Variants in TFDP2 observed in about 807,000 individuals in gnomAD.
TFDP2 encodes the protein transcription factor Dp-2 (E2F dimerization partner 2).
TFDP2 carries 17 observed loss-of-function variants against 59.3 expected under a neutral mutation model. The ratio of observed to expected loss-of-function variants is 0.29; its 90% CI spans 0.20 to 0.43. The LOEUF (loss-of-function observed/expected upper bound fraction) is 0.43. Ranked by LOEUF, TFDP2 falls within the 20% of genes least tolerant of loss-of-function variation. The pLI is 1.00. For synonymous variants in TFDP2, 180 were observed against 194.7 expected, an observed-to-expected ratio of 0.92 and a Z score of 0.63; for missense variants, 391 against 528.8, an observed-to-expected ratio of 0.74 and a Z score of 2.56.
chr3:142,043,734 C>A (rs1174452856), intron 3 of TFDP2: 1 of 1,421,820 alleles, frequency 7.0e-7, no homozygotes, highest in African/African-American at 1.4e-5. Flanking sequence ...ACCTGGGGGC[C>A]TCAGCCTGGT....
At chr3:142,002,128 G>A (rs911738400) in intron 4 of TFDP2, among the ~76,000 whole-genome samples, 7 of 151,586 alleles carry the variant, frequency 4.6e-5, no homozygotes, top group African/African-American at 1.7e-4. Context: ...CCAAGTAGCT[G>A]GGATTACAGG....
rs186735108 is a variant in TFDP2 at position 142,053,248 on chromosome 3, G to C, written c.82+39813C>G. 5.3e-5 allele frequency among the ~76,000 whole-genome samples: 8 copies of C among 152,306 alleles called. No homozygotes were observed. The East Asian group carries it at 1.5e-3, about 29-fold the overall frequency. ...ATCCTCAATGTTGGAGGTGGGGCCT[G>C]ATGGGGGTGTTTGGGTCATGGGGGA... On this transcript the variant is annotated intron_variant, in intron 3 of 12. Transcript: ENST00000489671.
At chr3:142,084,219 T>G (rs533918370) in intron 3 of TFDP2, among the ~76,000 whole-genome samples, 2 of 152,228 alleles carry the variant, frequency 1.3e-5, no homozygotes, top group South Asian at 4.2e-4. Flanking sequence ...AACAGGTATA[T>G]AAAAAGTGCT....
chr3:141,984,326 C>A (rs754400239), intron 6 of TFDP2, among the ~76,000 whole-genome samples: 1 of 151,926 alleles, frequency 6.6e-6, no homozygotes, highest in Non-Finnish European at 1.5e-5. Context: ...GTGGTGAAAC[C>A]CCGTTTACTA....
At chr3:142,042,880 C>A (rs1947080106) in intron 3 of TFDP2, among the ~76,000 whole-genome samples, 2 of 149,838 alleles carry the variant, frequency 1.3e-5, no homozygotes, top group African/African-American at 4.9e-5. Flanking sequence ...GCTCGGATTA[C>A]AAGCATGGGC....
At chr3:142,017,370 T>C (rs746497829) in intron 3 of TFDP2, among the ~76,000 whole-genome samples, 76 of 152,168 alleles carry the variant, frequency 5.0e-4, no homozygotes, top group Non-Finnish European at 8.7e-4. Context: ...TACATGAATG[T>C]CTACATGGAA....
At chr3:142,041,213 T>C (rs565141046) in intron 3 of TFDP2, among the ~76,000 whole-genome samples, 9 of 152,220 alleles carry the variant, frequency 5.9e-5, no homozygotes, top group Non-Finnish European at 1.2e-4. Context: ...CAAAGTCCTT[T>C]AACAGAAATG....
intron 3 of TFDP2, among the ~76,000 whole-genome samples, chr3:142,045,571 G>A (rs1275199698): frequency 2.7e-5 from 4 of 148,632 alleles, no homozygotes; most frequent in Non-Finnish European, 1.5e-5. Flanking sequence ...AAAAAGTTAA[G>A]TAAATTCTAG....
intron 3 of TFDP2, among the ~76,000 whole-genome samples, chr3:142,042,682 T>C (rs1432553951): frequency 6.9e-6 from 1 of 145,560 alleles, no homozygotes; most frequent in Non-Finnish European, 1.5e-5. Context: ...AAATCTGTGA[T>C]GAATTTTATA....
rs11569261 is a variant in TFDP2, at chr3:141,963,722, C to T, written c.884+90G>A. The T allele has an allele frequency of 2.5e-3, 3,705 of 1,461,196 alleles. 89 individuals are homozygous for T. The African/African-American group carries it at 0.047, about 18-fold the overall frequency. 90.5% of individuals were successfully genotyped at this position (1,461,196 alleles called of 1,614,324 possible). A position where few individuals can be genotyped will look rare whatever the true frequency, so the allele number is the denominator to read the frequency against. On this transcript the variant is annotated intron_variant, in intron 10 of 12. Transcript: ENST00000489671. ...GGAAGCCAGCCTTTGAGGGGTGCAACTAATAAAGTGCATCCTTCTTGAGTT... is the reference window on the plus strand; with the variant it reads ...GGAAGCCAGCCTTTGAGGGGTGCAATTAATAAAGTGCATCCTTCTTGAGTT...
chr3:142,134,579 TTAAGA>T (rs2062651835), intron 1 of TFDP2, among the ~76,000 whole-genome samples: 1 of 152,100 alleles, frequency 6.6e-6, no homozygotes, highest in African/African-American at 2.4e-5. Flanking sequence ...CTTGCATTAA[TTAAGA>T]TGATTTTTAA....
At chr3:142,129,059 C>G (rs7611705) in intron 1 of TFDP2, among the ~76,000 whole-genome samples, 56 of 152,142 alleles carry the variant, frequency 3.7e-4, no homozygotes, top group African/African-American at 1.3e-3. Context: ...CCTGTCAATA[C>G]GAGTAACTAA....
At chr3:142,023,764 G>A (rs1945854246) in intron 3 of TFDP2, among the ~76,000 whole-genome samples, 2 of 152,070 alleles carry the variant, frequency 1.3e-5, no homozygotes, top group South Asian at 4.1e-4. Context: ...AGACATCAAT[G>A]TCAACAAAAT....
chr3:142,078,054 T>C (rs573179815), intron 3 of TFDP2, among the ~76,000 whole-genome samples: 62 of 152,294 alleles, frequency 4.1e-4, no homozygotes, highest in African/African-American at 1.4e-3. Context: ...GTACTCTCTA[T>C]GGACCTGTGG....
At chr3:142,010,361 A>C (rs1944561360) in intron 3 of TFDP2, among the ~76,000 whole-genome samples, 2 of 152,212 alleles carry the variant, frequency 1.3e-5, no homozygotes, top group Non-Finnish European at 2.9e-5. Flanking sequence ...CTGTAATCCC[A>C]GCACTTTGGG....
At chr3:142,086,327 G>C (rs1180607473) in intron 3 of TFDP2, among the ~76,000 whole-genome samples, 1 of 152,236 alleles carries the variant, frequency 6.6e-6, no homozygotes, top group South Asian at 2.1e-4. Context: ...GATCCCACTG[G>C]TTAAGGGCTC....
intron 10 of TFDP2, among the ~76,000 whole-genome samples, chr3:141,960,041 C>T (rs1331628621): frequency 6.6e-6 from 1 of 152,186 alleles, no homozygotes; most frequent in African/African-American, 2.4e-5. Context: ...ATTAAAACAA[C>T]ATTCCTCTGA....
Position 142,093,043 on chromosome 3 carries a change from T to G in TFDP2, c.82+18A>C. The G allele has an allele frequency of 5.3e-6, 8 of 1,506,544 alleles. No homozygotes were observed. Among genetic ancestry groups the G allele is most frequent in the East Asian group, 2.5e-5 (1 of 40,598 alleles). The allele number at this position is 1,506,544 out of a possible 1,614,324, so 93.3% of individuals were successfully genotyped here. The stretch of plus-strand genomic sequence containing the variant: ...AAAACTAACTTAATTCAGAAAAATT[T>G]TATTCAATAATCCTTACCTTTTGTT... On this transcript the variant is annotated intron_variant, in intron 3 of 12. Transcript: ENST00000489671.
At chr3:142,110,969 T>C (rs1484308231) in intron 1 of TFDP2, among the ~76,000 whole-genome samples, 2 of 150,300 alleles carry the variant, frequency 1.3e-5, no homozygotes, top group Non-Finnish European at 3.0e-5. Context: ...AAAAAAAAGA[T>C]ACTGAGCATT....
Sources: gnomAD v4.1 joint callset for allele counts (sites outside exome capture counted in the v4.1 genomes callset) on GRCh38, gnomAD v4.1.1 for gene constraint, MANE v1.5 for transcripts, NCBI Gene and HGNC (gene_info 2026-07-23, HGNC 2026-07-21) for gene names.